Variants in SMCO1 observed in about 807,000 individuals in gnomAD.
SMCO1 encodes single-pass membrane protein with coiled-coil domains 1.
A neutral mutation model predicts 7.5 loss-of-function variants in SMCO1; 9 were observed. That is an observed-to-expected ratio of 1.20 (90% confidence interval 0.72 to 2.09). SMCO1 has a LOEUF of 2.09. Among genes scored for constraint, SMCO1 ranks in the 30% most tolerant of loss-of-function variants. The pLI is 0.00. For synonymous variants in SMCO1, 90 were observed against 93.8 expected (o/e 0.96, Z 0.23); for missense variants, 219 against 253.1 (o/e 0.87, Z 0.91).
chr3:196,510,145 T>A (rs1733180675), intron 1 of SMCO1, among the ~76,000 whole-genome samples: 1 of 152,072 alleles, frequency 6.6e-6, no homozygotes, highest in Non-Finnish European at 1.5e-5. Context: ...TTTTAAAAAA[T>A]ATTTTTTGTA....
At chr3:196,516,249 T>C (rs1035524359), upstream of SMCO1, among the ~76,000 whole-genome samples, 18 of 151,574 alleles carry the variant, frequency 1.2e-4, no homozygotes, top group African/African-American at 4.1e-4. Context: ...GTGTGCTAAG[T>C]AGATAGAGAC....
rs1223880476 is a variant in SMCO1 at position 196,509,584 on chromosome 3, G to T, written c.136C>A (p.His46Asn). ...KDNLMQKFEH[H>N]SKALASQAAQ... ...GCTTGGCTTGCCAAAGCCTTACTAT[G>T]ATGTTCGAATTTCTGCATCAGGTTA... Residue 46 changes from histidine (H) to asparagine (N), a missense_variant, in exon 2 of 3, where the codon CAT becomes AAT. His to Asn is a moderately conservative substitution (Grantham distance 68, BLOSUM62 1). Transcript: ENST00000397537. The T allele has an allele frequency of 6.2e-7, 1 of 1,613,926 alleles. No individual in the cohort carries two copies. The highest frequency in any genetic ancestry group is 1.3e-5 in the African/African-American group (1 of 74,878).
At chr3:196,511,144 AC>A (rs1733214065) in intron 1 of SMCO1, among the ~76,000 whole-genome samples, 1 of 141,304 alleles carries the variant, frequency 7.1e-6, no homozygotes, top group African/African-American at 3.1e-5. Flanking sequence ...TATGAGGGAA[AC>A]TTGCCTGAGC....
At chr3:196,517,600 A>C (rs139158550), upstream of SMCO1, among the ~76,000 whole-genome samples, 124 of 139,744 alleles carry the variant, frequency 8.9e-4, 1 homozygote, top group African/African-American at 3.1e-3. Flanking sequence ...ACCTTTCCCT[A>C]TACATATCTA....
the SMCO1 span, among the ~76,000 whole-genome samples, chr3:196,520,765 T>A: frequency 6.6e-6 from 1 of 152,088 alleles, no homozygotes; most frequent in South Asian, 2.1e-4. Flanking sequence ...TATGGAGATG[T>A]GTGGGTGAAG....
intron 1 of SMCO1, among the ~76,000 whole-genome samples, chr3:196,511,516 C>T (rs1189167362): frequency 1.7e-4 from 10 of 58,732 alleles, no homozygotes; most frequent in South Asian, 8.4e-4. Context: ...TGAGGGAAAC[C>T]TGCCTGGGCC....
intron 1 of SMCO1, among the ~76,000 whole-genome samples, chr3:196,514,789 T>G (rs1733338271): frequency 6.6e-6 from 1 of 152,232 alleles, no homozygotes; most frequent in Admixed American, 6.5e-5. Context: ...GTTGCCAGGC[T>G]GGAGTGCAGT....
chr3:196,515,011 AT>A, intron 1 of SMCO1, 148 bp downstream of exon 1: 1 of 924,400 alleles, frequency 1.1e-6, no homozygotes, highest in Non-Finnish European at 1.7e-6. Context: ...GTGTGCTGGG[AT>A]TACAGGTGTG....
intron 2 of SMCO1, among the ~76,000 whole-genome samples, chr3:196,509,216 A>ATTTT (rs35933912): frequency 1.9e-5 from 2 of 108,022 alleles, no homozygotes; most frequent in Non-Finnish European, 3.7e-5. Context: ...CACCCGGCTA[A>ATTTT]TTTTTTTTTT....
In SMCO1 at chr3:196,515,324, A is replaced by G; in HGVS notation, c.-115T>C. 1 of 762,212 alleles carries G rather than the reference A, an allele frequency of 1.3e-6. No individual in the cohort carries two copies. The allele number at this position is 762,212 out of a possible 1,614,324, so 47.2% of individuals were successfully genotyped here. A position where few individuals can be genotyped will look rare whatever the true frequency, so the allele number is the denominator to read the frequency against. ...CTCAGCAACAGGCAGCAGTAGCAGGAGCGCTCAGTCTACATTCTGCCTGAA... is the reference window on the plus strand; with the variant it reads ...CTCAGCAACAGGCAGCAGTAGCAGGGGCGCTCAGTCTACATTCTGCCTGAA... On this transcript the variant is annotated 5_prime_UTR_variant, in exon 1 of 3. Transcript: ENST00000397537.
chr3:196,516,806 G>A (rs1304586374), upstream of SMCO1, among the ~76,000 whole-genome samples: 2 of 152,020 alleles, frequency 1.3e-5, no homozygotes, highest in African/African-American at 4.8e-5. Flanking sequence ...GGTTCTAGAA[G>A]ATTAATCTAG....
At chr3:196,509,285 C>T (rs184790754) in intron 2 of SMCO1, among the ~76,000 whole-genome samples, 3 of 147,638 alleles carry the variant, frequency 2.0e-5, no homozygotes, top group South Asian at 4.3e-4. Context: ...AGGGTGGTCT[C>T]GATCTCCTGA....
At chr3:196,509,762 A>G (rs1294643618) in intron 1 of SMCO1, 93 bp from the exon 2 acceptor site, 1 of 1,076,128 alleles carries the variant, frequency 9.3e-7, no homozygotes, top group Non-Finnish European at 1.3e-6. Flanking sequence ...ATTTACAACC[A>G]TTACCAAATT....
upstream of SMCO1, among the ~76,000 whole-genome samples, chr3:196,515,974 G>A (rs1390106139): frequency 8.7e-5 from 6 of 68,588 alleles, no homozygotes; most frequent in South Asian, 1.1e-3. Context: ...ACTCCAGCCC[G>A]GGCAAGAGGA....
At chr3:196,513,859 G>A (rs1044827276) in intron 1 of SMCO1, among the ~76,000 whole-genome samples, 2 of 152,134 alleles carry the variant, frequency 1.3e-5, no homozygotes, top group Non-Finnish European at 1.5e-5. Flanking sequence ...CTCAGCGCAG[G>A]CTGTTTTGTT....
At chr3:196,509,757 C>A in intron 1 of SMCO1, 88 bp from the exon 2 acceptor site, 1 of 1,085,300 alleles carries the variant, frequency 9.2e-7, no homozygotes, top group Non-Finnish European at 1.3e-6. Context: ...ACATTATTTA[C>A]AACCATTACC....
In SMCO1 at chr3:196,507,588, TTA is replaced by T; in HGVS notation, c.*297_*298del. ...TTATGGATATGTAAACTAATATGTGTTATATATATATTTATATATATATATTT... is the reference window on the plus strand; with the variant it reads ...TTATGGATATGTAAACTAATATGTGTTATATATATTTATATATATATATTT... On this transcript the variant is annotated 3_prime_UTR_variant, in exon 3 of 3. Coordinates refer to ENST00000397537, the MANE Select transcript of SMCO1 (RefSeq NM_001077657.3). 6.4e-6 allele frequency: 1 copy of T among 155,108 alleles called. No homozygotes were observed. Among genetic ancestry groups the T allele is most frequent in the Non-Finnish European group, 1.4e-5 (1 of 70,486 alleles). The allele number at this position is 155,108 out of a possible 1,614,324, so 9.6% of individuals were successfully genotyped here.
intron 1 of SMCO1, among the ~76,000 whole-genome samples, chr3:196,512,242 G>A (rs1199360746): frequency 8.2e-5 from 12 of 146,628 alleles, no homozygotes; most frequent in South Asian, 2.2e-4. Flanking sequence ...CTAGATTGTC[G>A]TTATGAGGGA....
At chr3:196,511,284 T>A (rs550065262) in intron 1 of SMCO1, among the ~76,000 whole-genome samples, 6 of 141,380 alleles carry the variant, frequency 4.2e-5, no homozygotes, top group African/African-American at 1.6e-4. Flanking sequence ...ATTGTCCTTA[T>A]GAGGGAAACT....
Sources: gnomAD v4.1 joint callset for allele counts (sites outside exome capture counted in the v4.1 genomes callset) on GRCh38, gnomAD v4.1.1 for gene constraint, MANE v1.5 for transcripts, NCBI Gene and HGNC (gene_info 2026-07-23, HGNC 2026-07-21) for gene names.